Variants in GRIA1 observed in about 807,000 individuals in gnomAD.
GRIA1 encodes glutamate receptor 1.
In GRIA1, 31 loss-of-function variants were observed where a neutral mutation model predicts 99.2. The observed-to-expected ratio is 0.31, with a 90% CI of 0.23 to 0.42. The LOEUF is 0.42. Among genes scored for constraint, GRIA1 ranks in the 10% least tolerant of loss-of-function variants. GRIA1 has a pLI of 1.00. For missense variants in GRIA1, 782 were observed against 1,157.5 expected (o/e 0.68, Z 4.71); for synonymous variants, 438 against 432.4 (o/e 1.01, Z -0.16).
chr5:153,793,291 T>C (rs7448087), intron 13 of GRIA1, among the ~76,000 whole-genome samples: 2 of 152,200 alleles, frequency 1.3e-5, no homozygotes, highest in African/African-American at 4.8e-5. Flanking sequence ...TGGGGAGCAG[T>C]CTGGGTTTGA....
chr5:153,540,896 T>C (rs544810722), intron 2 of GRIA1, among the ~76,000 whole-genome samples: 1 of 152,244 alleles, frequency 6.6e-6, no homozygotes, highest in African/African-American at 2.4e-5. Flanking sequence ...CTTGAGTAGC[T>C]TTGGGAATTG....
At chr5:153,709,592 T>C (rs1561789463) in intron 11 of GRIA1, among the ~76,000 whole-genome samples, 1 of 152,230 alleles carries the variant, frequency 6.6e-6, no homozygotes, top group Non-Finnish European at 1.5e-5. Flanking sequence ...TAGCAGGTAG[T>C]GGCTTGTGGT....
chr5:153,633,884 G>A (rs1540383), intron 2 of GRIA1, among the ~76,000 whole-genome samples: 32,358 of 152,060 alleles, frequency 0.21, 4,088 homozygotes, highest in Non-Finnish European at 0.28. Flanking sequence ...TAGATGCTAG[G>A]ACAATAGTGA....
At chr5:153,629,078 G>A (rs944969432) in intron 2 of GRIA1, among the ~76,000 whole-genome samples, 1 of 152,212 alleles carries the variant, frequency 6.6e-6, no homozygotes, top group East Asian at 1.9e-4. Context: ...ACAGGCAGGG[G>A]TGGGCCTGTG....
At position 153,683,222 on chromosome 5, in the gene GRIA1, A is replaced by T. The variant is rs577738054; in HGVS notation, c.1030-3003A>T. ...TGTCTCTGAGTCCTGACTCTCCTTG[A>T]TAAATGGTTTGGGGCTGAGCCATTC... On this transcript the variant is annotated intron_variant, in intron 7 of 15. Coordinates refer to ENST00000285900, the MANE Select transcript of GRIA1 (RefSeq NM_000827.4). Among the ~76,000 whole-genome samples the T allele has an allele frequency of 2.0e-3, 300 of 152,312 alleles. 1 individual carries two copies. Among genetic ancestry groups the T allele is most frequent in the South Asian group, 0.01 (49 of 4,824 alleles).
At chr5:153,564,033 G>A (rs577197577) in intron 2 of GRIA1, among the ~76,000 whole-genome samples, 4 of 152,288 alleles carry the variant, frequency 2.6e-5, no homozygotes, top group Non-Finnish European at 4.4e-5. Flanking sequence ...AATCATAACC[G>A]CTTGTTGAAG....
At chr5:153,728,323 G>T (rs1306167393) in intron 11 of GRIA1, among the ~76,000 whole-genome samples, 1 of 150,088 alleles carries the variant, frequency 6.7e-6, no homozygotes, top group Non-Finnish European at 1.5e-5. Context: ...ATAGGCATAG[G>T]CAAGGACTTC....
chr5:153,551,241 A>C (rs1271759819), intron 2 of GRIA1, among the ~76,000 whole-genome samples: 2 of 152,214 alleles, frequency 1.3e-5, no homozygotes, highest in East Asian at 3.9e-4. Flanking sequence ...GTATGTGTTG[A>C]TTTTATTTGT....
intron 2 of GRIA1, among the ~76,000 whole-genome samples, chr5:153,526,484 CTT>C (rs747742019): frequency 1.3e-5 from 2 of 152,126 alleles, no homozygotes; most frequent in African/African-American, 4.8e-5. Flanking sequence ...TTTAAAACAA[CTT>C]ACATGAAAAT....
chr5:153,738,313 A>G (rs1488013746), intron 11 of GRIA1, among the ~76,000 whole-genome samples: 1 of 152,170 alleles, frequency 6.6e-6, no homozygotes, highest in Non-Finnish European at 1.5e-5. Context: ...CACCCCAACC[A>G]GAAACCTGGG....
At chr5:153,689,709 C>G (rs1175175993) in intron 8 of GRIA1, among the ~76,000 whole-genome samples, 1 of 152,156 alleles carries the variant, frequency 6.6e-6, no homozygotes, top group Non-Finnish European at 1.5e-5. Flanking sequence ...AACCTTAATT[C>G]CTCTCAGCTC....
intron 2 of GRIA1, among the ~76,000 whole-genome samples, chr5:153,589,698 T>A (rs1763794880): frequency 6.6e-6 from 1 of 152,182 alleles, no homozygotes; most frequent in Admixed American, 6.5e-5. Context: ...TGCGTGCATC[T>A]GCATTTACTC....
At chr5:153,527,842 T>A (rs1581178248) in intron 2 of GRIA1, among the ~76,000 whole-genome samples, 1 of 152,254 alleles carries the variant, frequency 6.6e-6, no homozygotes, top group East Asian at 1.9e-4. Flanking sequence ...AGATCTCAGT[T>A]CTGTGAGCAA....
At chr5:153,650,679 T>C (rs1354065818) in intron 4 of GRIA1, among the ~76,000 whole-genome samples, 165 bp downstream of exon 4, 1 of 151,924 alleles carries the variant, frequency 6.6e-6, no homozygotes, top group Non-Finnish European at 1.5e-5. Context: ...AATTTAATTC[T>C]GAAATAGCAC....
chr5:153,570,234 A>T (rs1190276667), intron 2 of GRIA1, among the ~76,000 whole-genome samples: 1 of 152,212 alleles, frequency 6.6e-6, no homozygotes, highest in East Asian at 1.9e-4. Context: ...CTGCAAAGTT[A>T]TCCCTTTGGC....
chr5:153,673,280 C>A (rs1756332893), intron 5 of GRIA1, among the ~76,000 whole-genome samples: 1 of 152,196 alleles, frequency 6.6e-6, no homozygotes, highest in African/African-American at 2.4e-5. Flanking sequence ...GAGGCTCATC[C>A]TCATCACTCC....
intron 11 of GRIA1, among the ~76,000 whole-genome samples, chr5:153,741,080 C>T (rs1056857050): frequency 6.8e-5 from 10 of 147,440 alleles, no homozygotes; most frequent in Non-Finnish European, 1.5e-4. Context: ...AGGTTCACGC[C>T]ATTCTCCTGC....
intron 11 of GRIA1, among the ~76,000 whole-genome samples, chr5:153,726,293 G>C (rs556287138): frequency 6.7e-6 from 1 of 148,448 alleles, no homozygotes. Flanking sequence ...ATGCAGGAAA[G>C]ATCCAAACTT....
At chr5:153,643,222 T>C (rs902966387) in intron 2 of GRIA1, among the ~76,000 whole-genome samples, 6 of 152,140 alleles carry the variant, frequency 3.9e-5, no homozygotes, top group African/African-American at 1.2e-4. Flanking sequence ...TAGACTAGAC[T>C]CTAGAATGTC....
Sources: gnomAD v4.1 joint callset for allele counts (sites outside exome capture counted in the v4.1 genomes callset) on GRCh38, gnomAD v4.1.1 for gene constraint, MANE v1.5 for transcripts, NCBI Gene and HGNC (gene_info 2026-07-23, HGNC 2026-07-21) for gene names.